The following FBXO34 variants were observed in gnomAD, a reference collection of about 807,000 sequenced individuals.
FBXO34 encodes F-box protein 34, also known as F-box only protein 34.
FBXO34 carries 12 observed loss-of-function variants against 24.5 expected under a neutral mutation model. That is an observed-to-expected ratio of 0.49 (90% CI 0.31 to 0.79). The LOEUF (loss-of-function observed/expected upper bound fraction) is 0.79. Ranked by LOEUF, FBXO34 falls within the 30% of genes least tolerant of loss-of-function variation. The pLI is 0.04. For missense variants in FBXO34, 823 were observed against 857.7 expected (o/e 0.96, Z 0.51); for synonymous variants, 320 against 311.9 (o/e 1.03, Z -0.27).
In FBXO34 at chr14:55,351,082, A is replaced by G. The variant is rs143781588; in HGVS notation, c.692A>G (p.Asn231Ser). 1.7e-5 allele frequency: 27 copies of G among 1,614,082 alleles called. No individual in the cohort carries two copies. The East Asian group carries it at 6.0e-4, about 36-fold the overall frequency. The change falls in exon 2 of 2, where the codon AAC (asparagine) becomes AGC (serine). Residue 231 changes from asparagine to serine, a missense_variant. Around this residue, in one of 2 missense-constraint regions of FBXO34, gnomAD observed 693 missense variants for 659.1 expected, o/e 1.05. Transcript: ENST00000313833. The stretch of plus-strand genomic sequence containing the variant: ...GCTAGCTGTTCAAAAAACTGCACAA[A>G]CTCACCTGCAATTGTGAGGTTTTCT... ...LLASCSKNCT[N>S]SPAIVRFSGQ...
chr14:55,342,098 C>A (rs921813768), intron 1 of FBXO34, among the ~76,000 whole-genome samples: 1 of 152,186 alleles, frequency 6.6e-6, no homozygotes, highest in Non-Finnish European at 1.5e-5. Flanking sequence ...CCCAACTTGT[C>A]AATATTCCTT....
the FBXO34 span, among the ~76,000 whole-genome samples, chr14:55,413,357 A>G: frequency 6.6e-6 from 1 of 152,238 alleles, no homozygotes; most frequent in African/African-American, 2.4e-5. Flanking sequence ...GATAGTATCT[A>G]GCTTATGCAG....
At chr14:55,358,622 T>G (rs1301941265) in intron 3 of FBXO34, among the ~76,000 whole-genome samples, 2 of 136,128 alleles carry the variant, frequency 1.5e-5, no homozygotes, top group Non-Finnish European at 3.3e-5. Context: ...TCCTTCAAAC[T>G]CCTTGCCCAT....
chr14:55,440,655 C>T, the FBXO34 span: 6 of 1,266,100 alleles, frequency 4.7e-6, no homozygotes, highest in East Asian at 1.3e-4. Flanking sequence ...AACCCAGCTA[C>T]CGGCCCATGG....
intron 1 of FBXO34, among the ~76,000 whole-genome samples, chr14:55,276,687 A>G (rs10142823): frequency 0.56 from 84,823 of 152,144 alleles, 26,686 homozygotes; most frequent in African/African-American, 0.87. Flanking sequence ...AGTCAAAAAA[A>G]TTAAAAGGAT....
chr14:55,299,400 G>A (rs1432915286), intron 1 of FBXO34, among the ~76,000 whole-genome samples: 1 of 124,470 alleles, frequency 8.0e-6, no homozygotes, highest in Admixed American at 8.3e-5. Context: ...GTGGGGGCGG[G>A]TAGAGGGGGG....
At chr14:55,281,645 T>G (rs1221657071) in intron 1 of FBXO34, among the ~76,000 whole-genome samples, 2 of 152,248 alleles carry the variant, frequency 1.3e-5, no homozygotes, top group African/African-American at 4.8e-5. Context: ...ATATTACATC[T>G]GTTTTACGAA....
At chr14:55,436,291 C>G in the FBXO34 span, among the ~76,000 whole-genome samples, 2 of 152,326 alleles carry the variant, frequency 1.3e-5, no homozygotes, top group South Asian at 4.1e-4. Context: ...TCAGCAACTA[C>G]AGTGCTGTAG....
intron 3 of FBXO34, among the ~76,000 whole-genome samples, chr14:55,359,957 A>G (rs935763884): frequency 1.3e-5 from 2 of 151,834 alleles, no homozygotes; most frequent in South Asian, 2.1e-4. Context: ...GTGTATGCCA[A>G]TAGTCCCAAC....
intron 1 of FBXO34, chr14:55,339,378 G>GGCC (rs1555339069): frequency 1.8e-5 from 2 of 113,168 alleles, no homozygotes; most frequent in South Asian, 3.1e-4. Flanking sequence ...TTAATCACCT[G>GGCC]CCCCCCCCCC....
chr14:55,435,278 ATTT>A, the FBXO34 span, among the ~76,000 whole-genome samples: 2 of 143,968 alleles, frequency 1.4e-5, no homozygotes, highest in Non-Finnish European at 1.5e-5. Context: ...GTCAGGTGAA[ATTT>A]TTTTTTTTTT....
intron 1 of FBXO34, among the ~76,000 whole-genome samples, chr14:55,312,758 G>A (rs763016931): frequency 5.3e-5 from 8 of 152,314 alleles, no homozygotes; most frequent in Non-Finnish European, 7.3e-5. Flanking sequence ...GTGGGGATGC[G>A]GGGCACCAAG....
intron 1 of FBXO34, among the ~76,000 whole-genome samples, chr14:55,311,519 A>C (rs1210168271): frequency 1.3e-5 from 2 of 152,158 alleles, no homozygotes; most frequent in African/African-American, 2.4e-5. Context: ...CCAAGTCCAA[A>C]GTGTCATGTG....
chr14:55,311,465 C>T (rs1882737822), intron 1 of FBXO34, among the ~76,000 whole-genome samples: 1 of 152,212 alleles, frequency 6.6e-6, no homozygotes, highest in Non-Finnish European at 1.5e-5. Flanking sequence ...GCCTTCCCAG[C>T]AGCCCCCCAA....
At position 55,352,239 on chromosome 14, in the gene FBXO34, G is replaced by A. The variant is rs1884413848; in HGVS notation, c.1849G>A (p.Ala617Thr). The change falls in exon 2 of 2, where the codon GCA becomes ACA. Residue 617 changes from alanine (A) to threonine (T), a missense_variant. Transcript: ENST00000313833. ...CATTGAGTACTACAATATCAGGCCA[G>A]CAGATTCTCGCTGGGTTCGAGATCC... ...FIIEYYNIRPADSRWVRDPRY... is the reference protein window; with the variant it reads ...FIIEYYNIRPTDSRWVRDPRY... 2 of 1,613,946 alleles carry A rather than the reference G, an allele frequency of 1.2e-6. No homozygotes were observed. The highest frequency in any genetic ancestry group is 1.7e-6 in the Non-Finnish European group (2 of 1,180,006).
chr14:55,414,380 C>G, the FBXO34 span: 1 of 1,600,460 alleles, frequency 6.2e-7, no homozygotes, highest in South Asian at 1.1e-5. Flanking sequence ...ATGATATGCT[C>G]AGGCTTTTTT....
chr14:55,411,842 C>T, the FBXO34 span: 1 of 1,563,182 alleles, frequency 6.4e-7, no homozygotes, highest in South Asian at 1.2e-5. Context: ...AGAGGAGAGC[C>T]AGTCACGTGG....
intron 1 of FBXO34, among the ~76,000 whole-genome samples, chr14:55,288,079 A>G (rs150067801): frequency 2.6e-5 from 4 of 152,318 alleles, no homozygotes; most frequent in African/African-American, 7.2e-5. Flanking sequence ...AACCTGTGCT[A>G]TCAGCCAGGA....
At chr14:55,411,698 C>A in the FBXO34 span, 3 of 1,612,874 alleles carry the variant, frequency 1.9e-6, no homozygotes, top group Non-Finnish European at 1.7e-6. Flanking sequence ...CAGCGGGCAG[C>A]GCTCCACAGC....
Sources: gnomAD v4.1 joint callset for allele counts (sites outside exome capture counted in the v4.1 genomes callset) on GRCh38, gnomAD v4.1.1 for gene constraint, gnomAD v4.1.1 regional missense constraint, MANE v1.5 for transcripts, NCBI Gene and HGNC (gene_info 2026-07-23, HGNC 2026-07-21) for gene names.